Variants in AKAP13 observed in about 807,000 individuals in gnomAD.
AKAP13 encodes A-kinase anchoring protein 13, also known as A-kinase anchor protein 13.
AKAP13 carries 80 observed loss-of-function variants against 264.5 expected under a neutral mutation model. The observed-to-expected ratio is 0.30, with a 90% confidence interval of 0.25 to 0.36. The LOEUF is 0.36. Among genes scored for constraint, AKAP13 ranks in the 10% least tolerant of loss-of-function variants. AKAP13 has a pLI of 1.00. For synonymous variants in AKAP13, 1,380 were observed against 1,250.2 expected (o/e 1.10, Z -2.19); for missense variants, 3,712 against 3,435.2 (o/e 1.08, Z -2.01).
chr15:85,416,977 G>A (rs971374127), intron 1 of AKAP13, among the ~76,000 whole-genome samples: 5 of 152,274 alleles, frequency 3.3e-5, no homozygotes, highest in Admixed American at 2.6e-4. Context: ...TAATATAAAT[G>A]TGTTATGCTT....
chr15:85,652,584 A>G (rs925138769), intron 10 of AKAP13, among the ~76,000 whole-genome samples: 1 of 152,192 alleles, frequency 6.6e-6, no homozygotes, highest in Non-Finnish European at 1.5e-5. Context: ...AAGCGTGAGT[A>G]TATTAGCTTC....
At chr15:85,668,810 GT>G (rs2083745585) in intron 13 of AKAP13, among the ~76,000 whole-genome samples, 1 of 152,100 alleles carries the variant, frequency 6.6e-6, no homozygotes, top group African/African-American at 2.4e-5. Context: ...GGGCGTGGTG[GT>G]GCACCCCTGT....
At chr15:85,547,463 T>G (rs958058908) in intron 5 of AKAP13, among the ~76,000 whole-genome samples, 1 of 152,240 alleles carries the variant, frequency 6.6e-6, no homozygotes, top group Non-Finnish European at 1.5e-5. Context: ...CTTGGACATA[T>G]AAGGATTCTC....
Position 85,549,762 on chromosome 15 carries a change from A to G in AKAP13, c.662+5807A>G, listed in dbSNP as rs148456477. 6.9e-3 allele frequency among the ~76,000 whole-genome samples: 1,057 copies of G among 152,316 alleles called. 15 individuals are homozygous for G. Among genetic ancestry groups the G allele is most frequent in the African/African-American group, 0.024 (995 of 41,562 alleles). ...GGGTACAGTATTAAATGACTCTTAA[A>G]TGTAAAGGGTTATATGGTTTCTAGT... On this transcript the variant is annotated intron_variant, in intron 5 of 36. Coordinates refer to ENST00000394518, the MANE Select transcript of AKAP13 (RefSeq NM_007200.5).
intron 2 of AKAP13, among the ~76,000 whole-genome samples, chr15:85,502,002 G>A (rs1474960917): frequency 1.3e-5 from 2 of 152,172 alleles, no homozygotes; most frequent in Non-Finnish European, 2.9e-5. Context: ...ATGGTGCTGT[G>A]GGGTCACTGG....
intron 12 of AKAP13, 120 bp from the exon 13 acceptor site, chr15:85,664,443 T>A: frequency 9.9e-7 from 1 of 1,006,352 alleles, no homozygotes; most frequent in Non-Finnish European, 1.4e-6. Flanking sequence ...TTAGACAGTT[T>A]TGCTAGCTGA....
intron 1 of AKAP13, among the ~76,000 whole-genome samples, chr15:85,445,615 C>T (rs964419611): frequency 2.0e-5 from 3 of 152,138 alleles, no homozygotes; most frequent in African/African-American, 7.2e-5. Context: ...ACTTTCATAG[C>T]ACTGTGACTT....
At chr15:85,693,865 C>G (rs937613124) in intron 17 of AKAP13, among the ~76,000 whole-genome samples, 1 of 152,174 alleles carries the variant, frequency 6.6e-6, no homozygotes. Context: ...CAACTATAGT[C>G]TAATGTAAGT....
chr15:85,543,686 G>A lies in AKAP13; in HGVS notation c.479-86G>A. On this transcript the variant is annotated intron_variant, in intron 4 of 36. Coordinates refer to ENST00000394518, the MANE Select transcript of AKAP13 (RefSeq NM_007200.5). ...ACAATCTTAGGCACTTGGAGGCAGT[G>A]GTGTTTACATAACTTGTCTTTATGT... 6 of 1,378,354 alleles carry A rather than the reference G, an allele frequency of 4.4e-6. No homozygotes were observed. The South Asian group carries it at 7.2e-5, about 17-fold the overall frequency. 85.4% of individuals were successfully genotyped at this position (1,378,354 alleles called of 1,614,324 possible). A position where few individuals can be genotyped will look rare whatever the true frequency, so the allele number is the denominator to read the frequency against.
chr15:85,445,079 C>T (rs748142005), intron 1 of AKAP13, among the ~76,000 whole-genome samples: 13 of 152,054 alleles, frequency 8.5e-5, no homozygotes, highest in South Asian at 4.2e-4. Context: ...GTCAAAAAGC[C>T]CTTATCCTCT....
At chr15:85,610,173 C>T (rs1246028387) in intron 8 of AKAP13, among the ~76,000 whole-genome samples, 2 of 152,192 alleles carry the variant, frequency 1.3e-5, no homozygotes, top group African/African-American at 4.8e-5. Context: ...GATCCCATTA[C>T]AGAATTATGG....
At chr15:85,458,079 G>T (rs2074344681) in intron 1 of AKAP13, among the ~76,000 whole-genome samples, 1 of 150,944 alleles carries the variant, frequency 6.6e-6, no homozygotes, top group South Asian at 2.1e-4. Flanking sequence ...AGCAGAGGTT[G>T]CAGTGAGCCG....
chr15:85,594,524 A>G (rs2079723408), intron 8 of AKAP13, among the ~76,000 whole-genome samples: 1 of 152,266 alleles, frequency 6.6e-6, no homozygotes, highest in Non-Finnish European at 1.5e-5. Context: ...ATTATGTATC[A>G]GAAATATAGG....
At chr15:85,492,215 T>G (rs969876751) in intron 2 of AKAP13, among the ~76,000 whole-genome samples, 6 of 152,206 alleles carry the variant, frequency 3.9e-5, no homozygotes, top group African/African-American at 7.2e-5. Context: ...TTTAATGGGT[T>G]TTATTTGAAA....
intron 2 of AKAP13, among the ~76,000 whole-genome samples, chr15:85,494,469 ACTTGATATGCCAGAGAAAGTCACTTC>A (rs1213683075): frequency 1.3e-5 from 2 of 152,192 alleles, no homozygotes; most frequent in Non-Finnish European, 2.9e-5. Flanking sequence ...TGAATCCCAT[ACTTGATATGCCAGAGAAAGTCACTTC>A]CTCTGTCCTC....
chr15:85,574,675 G>A (rs2078948890), intron 5 of AKAP13, among the ~76,000 whole-genome samples: 2 of 152,152 alleles, frequency 1.3e-5, no homozygotes, highest in Admixed American at 1.3e-4. Flanking sequence ...TAGAAAAGTT[G>A]GAGTGCCCTT....
intron 8 of AKAP13, among the ~76,000 whole-genome samples, chr15:85,597,289 C>G (rs1490639851): frequency 1.3e-5 from 2 of 152,144 alleles, no homozygotes; most frequent in East Asian, 3.9e-4. Context: ...CTCAAAGGGC[C>G]TGCCATCATT....
At chr15:85,429,749 G>T (rs2072946884) in intron 1 of AKAP13, among the ~76,000 whole-genome samples, 1 of 152,198 alleles carries the variant, frequency 6.6e-6, no homozygotes, top group Non-Finnish European at 1.5e-5. Flanking sequence ...AGAATATCCT[G>T]GCGAGATTTT....
intron 9 of AKAP13, among the ~76,000 whole-genome samples, chr15:85,644,392 C>A (rs1178333205): frequency 2.0e-5 from 3 of 151,884 alleles, no homozygotes; most frequent in African/African-American, 7.2e-5. Flanking sequence ...AGGCACCTGC[C>A]ACCATGCCTG....
Sources: allele counts gnomAD v4.1 joint callset (sites outside exome capture counted in the v4.1 genomes callset), GRCh38; gene constraint gnomAD v4.1.1; transcripts MANE v1.5; gene names NCBI Gene and HGNC (gene_info 2026-07-23, HGNC 2026-07-21).